Variants in FAT1 observed in about 807,000 individuals in gnomAD.
FAT1 encodes the protein protocadherin Fat 1.
A neutral mutation model predicts 329.8 loss-of-function variants in FAT1; 171 were observed. The observed-to-expected ratio is 0.52, with a 90% confidence interval of 0.46 to 0.59. FAT1 has a LOEUF of 0.59. Ranked by LOEUF, FAT1 falls within the 20% of genes least tolerant of loss-of-function variation. The pLI is 0.00. For missense variants in FAT1, 5,672 were observed against 5,774.4 expected (o/e 0.98, Z 0.57); for synonymous variants, 2,233 against 2,228.6 (o/e 1.00, Z -0.06).
chr4:186,724,183 TAAA>T (rs59026469), upstream of FAT1, among the ~76,000 whole-genome samples: 12 of 71,304 alleles, frequency 1.7e-4, no homozygotes, highest in South Asian at 5.9e-4. The surrounding 1 kb of genome is among the most constrained non-coding windows in gnomAD (Gnocchi z 5.3). Flanking sequence ...TTAGCTTAGC[TAAA>T]AAAAAAAAAA....
chr4:186,616,974 A>C (rs1220242633), intron 11 of FAT1, 31 bp downstream of exon 11: 1 of 1,579,278 alleles, frequency 6.3e-7, no homozygotes, highest in East Asian at 2.2e-5. Context: ...TGAAATTCAT[A>C]ACACACAAAT....
chr4:186,706,765 C>T lies in FAT1; in HGVS notation c.3063G>A (p.Glu1021=). The part of the protein sequence containing the change: ...SLSSTCYVEV[E]VVDVNENLHP... Reference sequence around the variant, plus strand: ...GCAGGTTCTCATTCACATCAACCACCTCAACTTCAACATAGCAAGTAGAAG... The same window carrying T: ...GCAGGTTCTCATTCACATCAACCACTTCAACTTCAACATAGCAAGTAGAAG... Residue 1021 remains glutamate, a synonymous_variant, in exon 2 of 27, where the codon GAG becomes GAA. Coordinates refer to ENST00000441802, the MANE Select transcript of FAT1 (RefSeq NM_005245.4). The T allele has an allele frequency of 6.2e-7, 1 of 1,613,992 alleles. No individual in the cohort carries two copies. Among genetic ancestry groups the T allele is most frequent in the Non-Finnish European group, 8.5e-7 (1 of 1,179,886 alleles).
chr4:186,708,884 T>C lies in FAT1; in HGVS notation c.944A>G (p.Tyr315Cys), dbSNP rs1418671546. Residue 315 changes from tyrosine (Y) to cysteine (C), a missense_variant, in exon 2 of 27, where the codon TAT becomes TGT. Physicochemically the swap from Tyr to Cys is radical, Grantham distance 194 (BLOSUM62 -2). Coordinates refer to ENST00000441802, the MANE Select transcript of FAT1 (RefSeq NM_005245.4). Reference protein sequence around the residue: ...TVRSFPGSKEYKVKAIGGIDW... With the variant: ...TVRSFPGSKECKVKAIGGIDW... ...AATGCCACCGATGGCTTTGACTTTATACTCCTTACTCCCTGGAAAGGACCT... is the reference window on the plus strand; with the variant it reads ...AATGCCACCGATGGCTTTGACTTTACACTCCTTACTCCCTGGAAAGGACCT... The C allele has an allele frequency of 1.2e-6, 2 of 1,613,994 alleles. No homozygotes were observed. Among genetic ancestry groups the C allele is most frequent in the Non-Finnish European group, 1.7e-6 (2 of 1,179,892 alleles).
chr4:186,683,859 T>C (rs1477853184), intron 2 of FAT1, among the ~76,000 whole-genome samples: 1 of 152,116 alleles, frequency 6.6e-6, no homozygotes, highest in African/African-American at 2.4e-5. Context: ...AGTGGTTAAA[T>C]TCCCTCAGTG....
At chr4:186,711,152 G>A (rs999795326) in intron 1 of FAT1, among the ~76,000 whole-genome samples, 4 of 152,136 alleles carry the variant, frequency 2.6e-5, no homozygotes, top group African/African-American at 7.2e-5. Context: ...AAATTGGTAC[G>A]ACAACATTAA....
At chr4:186,671,021 T>G (rs77370998) in intron 2 of FAT1, among the ~76,000 whole-genome samples, 3,093 of 152,298 alleles carry the variant, frequency 0.02, 149 homozygotes, top group East Asian at 0.14. Flanking sequence ...GGGAGTTATG[T>G]GAGCATTCTA....
Position 186,609,818 on chromosome 4 carries a change from C to G in FAT1, c.10051G>C (p.Glu3351Gln), listed in dbSNP as rs1187011117. Reference protein sequence around the residue: ...TTVISEDAVLEQSVITVMADD... With the variant: ...TTVISEDAVLQQSVITVMADD... The stretch of plus-strand genomic sequence containing the variant: ...ATACACACCGTGATGACAGACTGCT[C>G]AAGAACGGCATCTTCACTGATGACT... The change falls in exon 15 of 27, where the codon GAG (glutamate) becomes CAG (glutamine). Residue 3351 changes from glutamate (E) to glutamine (Q), a missense_variant. This residue lies in a region of FAT1 where 1,706 missense variants were observed against 1,859.1 expected (regional missense o/e 0.92). Coordinates refer to ENST00000441802, the MANE Select transcript of FAT1 (RefSeq NM_005245.4). 1 of 1,612,752 alleles carries G rather than the reference C, an allele frequency of 6.2e-7. No individual in the cohort carries two copies. The highest frequency in any genetic ancestry group is 8.5e-7 in the Non-Finnish European group (1 of 1,178,764).
At chr4:186,716,694 A>G (rs534052128) in intron 1 of FAT1, among the ~76,000 whole-genome samples, 3 of 152,320 alleles carry the variant, frequency 2.0e-5, no homozygotes, top group Admixed American at 2.0e-4. Flanking sequence ...TTGGGATTAC[A>G]GTTGTGAGCC....
Position 186,616,985 on chromosome 4 carries a change from G to A in FAT1, c.9075+20C>T, listed in dbSNP as rs771910305. ...AAATTGAAATTCATAACACACAAAT[G>A]TAAGGGAAGAGCTGCTTACCTTTTC... On this transcript the variant is annotated intron_variant, in intron 11 of 26. Transcript: ENST00000441802. 1.9e-6 allele frequency: 3 copies of A among 1,595,734 alleles called. No homozygotes were observed. Among genetic ancestry groups the A allele is most frequent in the African/African-American group, 1.3e-5 (1 of 74,256 alleles).
At chr4:186,593,393 T>A (rs1044236842) in intron 26 of FAT1, among the ~76,000 whole-genome samples, 1 of 152,216 alleles carries the variant, frequency 6.6e-6, no homozygotes, top group Admixed American at 6.5e-5. Context: ...AAGGTAAATA[T>A]GTACGCATGT....
intron 3 of FAT1, among the ~76,000 whole-genome samples, chr4:186,655,089 G>A (rs1741842825): frequency 6.6e-6 from 1 of 152,132 alleles, no homozygotes; most frequent in African/African-American, 2.4e-5. Context: ...ATTGCATTAT[G>A]TATTTAAAAT....
intron 26 of FAT1, among the ~76,000 whole-genome samples, chr4:186,593,483 G>A (rs1738340476): frequency 6.6e-6 from 1 of 152,218 alleles, no homozygotes; most frequent in Non-Finnish European, 1.5e-5. Flanking sequence ...CATGGCAAAA[G>A]GGACTTTGTT....
chr4:186,603,470 A>G lies in FAT1; in HGVS notation c.11056T>C (p.Ser3686Pro), dbSNP rs2126428692. 1 of 1,613,966 alleles carries G rather than the reference A, an allele frequency of 6.2e-7. No homozygotes were observed. The highest frequency in any genetic ancestry group is 8.5e-7 in the Non-Finnish European group (1 of 1,179,878). ...NDIQIVSLQS[S>P]EPHPHLDVLL... The stretch of plus-strand genomic sequence containing the variant: ...ACGTCCAGATGTGGGTGAGGTTCAG[A>G]GGACTGCAAACTAACAATCTGTATG... The change falls in exon 19 of 27, where the codon TCT (serine) becomes CCT (proline). Residue 3686 changes from serine to proline, a missense_variant. By Grantham distance (74) the Ser-to-Pro change is moderately conservative. This residue lies in a region of FAT1 where 1,706 missense variants were observed against 1,859.1 expected (regional missense o/e 0.92). Transcript: ENST00000441802.
chr4:186,656,212 G>A (rs1241857090), intron 3 of FAT1, among the ~76,000 whole-genome samples: 3 of 152,204 alleles, frequency 2.0e-5, no homozygotes, highest in Non-Finnish European at 4.4e-5. Context: ...GCTCTGATAT[G>A]ACTTGGGCGT....
intron 3 of FAT1, among the ~76,000 whole-genome samples, chr4:186,640,102 G>A (rs1741025493): frequency 6.6e-6 from 1 of 152,022 alleles, no homozygotes; most frequent in African/African-American, 2.4e-5. Flanking sequence ...TCTCCAGCCT[G>A]GGCAACAAAG....
Position 186,619,785 on chromosome 4 carries a change from T to C in FAT1, c.6801A>G (p.Val2267=), listed in dbSNP as rs762431361. ...TDSLTGAHAE[V]FVDIIVDDIN... Reference sequence around the variant, plus strand: ...TGTCGTCTACTATGATGTCCACAAATACTTCAGCATGAGCGCCCGTCAAGG... The same window carrying C: ...TGTCGTCTACTATGATGTCCACAAACACTTCAGCATGAGCGCCCGTCAAGG... The change falls in exon 10 of 27, where the codon GTA becomes GTG. Residue 2267 remains valine, a synonymous_variant. Transcript: ENST00000441802. 1 of 1,614,002 alleles carries C rather than the reference T, an allele frequency of 6.2e-7. No individual in the cohort carries two copies. The highest frequency in any genetic ancestry group is 1.7e-5 in the Admixed American group (1 of 60,026).
In FAT1 at chr4:186,709,563, T is replaced by C. The variant is rs746791673; in HGVS notation, c.265A>G (p.Ile89Val). Residue 89 changes from isoleucine to valine, a missense_variant, in exon 2 of 27, where the codon ATT becomes GTT. This residue lies in a region of FAT1 where 3,966 missense variants were observed against 3,915.2 expected (regional missense o/e 1.01). Transcript: ENST00000441802. The part of the protein sequence containing the change: ...SENLFKAEEY[I>V]LGDFCFLRIR... ...CTTAGAAAGCAAAAGTCTCCGAGAATGTACTCTTCAGCTTTGAACAGGTTT... is the reference window on the plus strand; with the variant it reads ...CTTAGAAAGCAAAAGTCTCCGAGAACGTACTCTTCAGCTTTGAACAGGTTT... 1.9e-6 allele frequency: 3 copies of C among 1,614,056 alleles called. No individual in the cohort carries two copies. The highest frequency in any genetic ancestry group is 1.1e-5 in the South Asian group (1 of 91,088).
At chr4:186,600,757 C>G (rs1738773733) in intron 21 of FAT1, among the ~76,000 whole-genome samples, 1 of 152,244 alleles carries the variant, frequency 6.6e-6, no homozygotes, top group South Asian at 2.1e-4. Flanking sequence ...GTCGCCCAGG[C>G]TGGAGTGCAG....
chr4:186,651,192 A>C (rs1741639384), intron 3 of FAT1, among the ~76,000 whole-genome samples: 1 of 150,454 alleles, frequency 6.6e-6, no homozygotes, highest in Non-Finnish European at 1.5e-5. Context: ...ACCATGAGCT[A>C]CAGAAATAAC....
Sources: gnomAD v4.1 joint callset for allele counts (sites outside exome capture counted in the v4.1 genomes callset) on GRCh38, gnomAD v4.1.1 for gene constraint, gnomAD v4.1.1 regional missense constraint, Gnocchi (gnomAD v3.1) non-coding constraint, MANE v1.5 for transcripts, NCBI Gene and HGNC (gene_info 2026-07-23, HGNC 2026-07-21) for gene names.